The following GPSM1 variants were observed in gnomAD, a reference collection of about 807,000 sequenced individuals.
GPSM1 encodes the protein G protein-signaling modulator 1.
Under a neutral mutation model 70.5 loss-of-function variants are expected in GPSM1, and 48 were observed. That is an observed-to-expected ratio of 0.68 (90% confidence interval 0.54 to 0.87). The LOEUF (loss-of-function observed/expected upper bound fraction) is 0.87, where lower values mean the gene tolerates loss of function less well. GPSM1 is among the 40% of genes least tolerant of loss of function. The pLI, the probability that GPSM1 is intolerant of heterozygous loss-of-function variation, is 0.00. For synonymous variants in GPSM1, 416 were observed against 430.1 expected, an observed-to-expected ratio of 0.97 and a Z score of 0.41; for missense variants, 981 against 972.6, an observed-to-expected ratio of 1.01 and a Z score of -0.11.
At chr9:136,335,566 C>T (rs1832212735) in intron 2 of GPSM1, among the ~76,000 whole-genome samples, 1 of 152,164 alleles carries the variant, frequency 6.6e-6, no homozygotes, top group African/African-American at 2.4e-5. Context: ...TGGGCATGCA[C>T]CAAACGTCCT....
chr9:136,337,883 C>A lies in GPSM1; in HGVS notation c.740C>A (p.Ala247Asp). The A allele has an allele frequency of 6.2e-7, 1 of 1,612,622 alleles. No individual in the cohort carries two copies. The highest frequency in any genetic ancestry group is 1.1e-5 in the South Asian group (1 of 91,082). The stretch of plus-strand genomic sequence containing the variant: ...GCTAAGGAGTTTGGAGACAAGGCAG[C>A]CGAGAGGAGGGCCTACAGCAACCTG... ...AIAKEFGDKA[A>D]ERRAYSNLGN... Residue 247 changes from alanine to aspartate, a missense_variant, in exon 6 of 14, where the codon GCC becomes GAC. Coordinates refer to ENST00000440944, the MANE Select transcript of GPSM1 (RefSeq NM_001145638.3).
In GPSM1 at chr9:136,358,217, C is replaced by A; in HGVS notation, c.2025C>A (p.Ser675Arg). 6.5e-7 allele frequency: 1 copy of A among 1,545,584 alleles called. No individual in the cohort carries two copies. The highest frequency in any genetic ancestry group is 8.7e-7 in the Non-Finnish European group (1 of 1,150,276). The change falls in exon 14 of 14, where the codon AGC (serine) becomes AGA (arginine). Residue 675 changes from serine (S) to arginine (R), a missense_variant. Physicochemically the swap from Ser to Arg is moderately radical, Grantham distance 110 (BLOSUM62 -1). Coordinates refer to ENST00000440944, the MANE Select transcript of GPSM1 (RefSeq NM_001145638.3). ...EPQQQCQPGA[S>R] Reference sequence around the variant, plus strand: ...AGCAGCAGTGCCAGCCTGGTGCGAGCTAAGGCCCTGTGCCCACCGCCAGGC... The same window carrying A: ...AGCAGCAGTGCCAGCCTGGTGCGAGATAAGGCCCTGTGCCCACCGCCAGGC...
chr9:136,328,380 C>T (rs1484477710), intron 1 of GPSM1, among the ~76,000 whole-genome samples: 2 of 152,128 alleles, frequency 1.3e-5, no homozygotes, highest in African/African-American at 2.4e-5. Flanking sequence ...CTGGGCCCAG[C>T]CGGGCAGGTG....
At chr9:136,331,372 C>CCG (rs1445515959) in intron 1 of GPSM1, among the ~76,000 whole-genome samples, 19 of 151,074 alleles carry the variant, frequency 1.3e-4, no homozygotes, top group Non-Finnish European at 2.8e-4. Flanking sequence ...GAGCCCCCCC[C>CCG]CCCCGCTGCC....
intron 1 of GPSM1, among the ~76,000 whole-genome samples, chr9:136,329,826 C>T (rs1458353594): frequency 7.0e-6 from 1 of 142,010 alleles, no homozygotes; most frequent in Non-Finnish European, 1.5e-5. Flanking sequence ...GGTTCTGGGT[C>T]GGTGGGGACG....
In GPSM1 at chr9:136,340,530, CG is replaced by C. The variant is rs1832361965; in HGVS notation, c.1084-338del. The stretch of plus-strand genomic sequence containing the variant: ...CCCGGGAGGGTCCCCCACAGAGCCT[CG>C]GCGCACAAGGCAGGGGCTGAGAGAG... On this transcript the variant is annotated intron_variant, in intron 8 of 13. Transcript: ENST00000440944. This position sits in a 1 kb window ranked among gnomAD's most constrained non-coding sequence, Gnocchi z 7.3. 6.6e-6 allele frequency among the ~76,000 whole-genome samples: 1 copy of C among 152,056 alleles called. No homozygotes were observed.
chr9:136,328,267 C>T (rs908204508), intron 1 of GPSM1, among the ~76,000 whole-genome samples: 2 of 152,224 alleles, frequency 1.3e-5, no homozygotes, highest in Non-Finnish European at 2.9e-5. Context: ...TGGGTGATCC[C>T]AGTGACTGGG....
At chr9:136,334,168 G>C (rs1832169736) in intron 1 of GPSM1, among the ~76,000 whole-genome samples, 1 of 152,212 alleles carries the variant, frequency 6.6e-6, no homozygotes, top group South Asian at 2.1e-4. Flanking sequence ...GGTCTTGCCG[G>C]GGTCACAAAC....
chr9:136,341,128 T>C lies in GPSM1; in HGVS notation c.1207+135T>C. 6.5e-7 allele frequency: 1 copy of C among 1,549,952 alleles called. No individual in the cohort carries two copies. The highest frequency in any genetic ancestry group is 8.7e-7 in the Non-Finnish European group (1 of 1,146,810). On this transcript the variant is annotated intron_variant, in intron 9 of 13. Transcript: ENST00000440944. The surrounding 1 kb of genome is among the most constrained non-coding windows in gnomAD (Gnocchi z 6.7). ...CCAGAAAATGGCGCCTACAAGCCAGTTCTTCTTGGCCTCAGGGACAGCACA... is the reference window on the plus strand; with the variant it reads ...CCAGAAAATGGCGCCTACAAGCCAGCTCTTCTTGGCCTCAGGGACAGCACA...
At chr9:136,332,763 C>T (rs1438065049) in intron 1 of GPSM1, among the ~76,000 whole-genome samples, 2 of 149,820 alleles carry the variant, frequency 1.3e-5, no homozygotes, top group Non-Finnish European at 3.0e-5. Context: ...GAGGGCCTGG[C>T]CCTGAGGTGA....
intron 7 of GPSM1, among the ~76,000 whole-genome samples, chr9:136,339,100 G>A (rs1164211186): frequency 2.0e-5 from 3 of 152,146 alleles, no homozygotes; most frequent in African/African-American, 7.2e-5. Flanking sequence ...CCTTTCACAG[G>A]CAGCAGAGAG....
chr9:136,344,803 G>C (rs562144428), intron 9 of GPSM1, among the ~76,000 whole-genome samples: 130 of 152,342 alleles, frequency 8.5e-4, no homozygotes, highest in Non-Finnish European at 1.4e-3. Flanking sequence ...AGCAAGGCGA[G>C]GGCCTTGGCC....
intron 8 of GPSM1, 142 bp downstream of exon 8, chr9:136,339,957 G>A (rs567296251): frequency 4.9e-5 from 31 of 627,090 alleles, no homozygotes; most frequent in Middle Eastern, 4.2e-4. Flanking sequence ...TGGTCCTTCC[G>A]AGGCCTGGTG....
Position 136,355,671 on chromosome 9 carries a change from G to T in GPSM1, c.1456-19G>T. 1.2e-6 allele frequency: 2 copies of T among 1,608,732 alleles called. No individual in the cohort carries two copies. Among genetic ancestry groups the T allele is most frequent in the Middle Eastern group, 1.7e-4 (1 of 6,022 alleles). On this transcript the variant is annotated intron_variant, in intron 11 of 13. Transcript: ENST00000440944. ...CTGCGGGGCTAGCTTTGGCTGCGGT[G>T]ACCCCACTCCCTCCCCAGAGCATCC... is the stretch of plus-strand genomic sequence containing the variant.
Position 136,342,675 on chromosome 9 carries a change from G to T in GPSM1, c.1207+1682G>T, listed in dbSNP as rs1292059922. 6.6e-6 allele frequency among the ~76,000 whole-genome samples: 1 copy of T among 152,180 alleles called. No homozygotes were observed. The highest frequency in any genetic ancestry group is 2.4e-5 in the African/African-American group (1 of 41,458). On this transcript the variant is annotated intron_variant, in intron 9 of 13. Coordinates refer to ENST00000440944, the MANE Select transcript of GPSM1 (RefSeq NM_001145638.3). The surrounding 1 kb of genome is among the most constrained non-coding windows in gnomAD (Gnocchi z 5.5). ...TTGAGGCCGGGAGTCTGGACCCGGC[G>T]TTGCGGGTTGGGGGCGCCACGGAAG...
In GPSM1 at chr9:136,337,071, G is replaced by C. The variant is rs766452868; in HGVS notation, c.577G>C (p.Glu193Gln). 1.3e-6 allele frequency: 2 copies of C among 1,550,544 alleles called. No individual in the cohort carries two copies. Among genetic ancestry groups the C allele is most frequent in the Non-Finnish European group, 1.7e-6 (2 of 1,147,046 alleles). Residue 193 changes from glutamate to glutamine, a missense_variant and splice_region_variant, in exon 4 of 14, where the codon GAG becomes CAG. By Grantham distance (29) the Glu-to-Gln change is conservative. Transcript: ENST00000440944. Reference sequence around the variant, plus strand: ...CCTGTGCAAGGCCTCCGAGTTCTACGAGTGAGTGGGGCAGGGCCAGCCCAG... The same window carrying C: ...CCTGTGCAAGGCCTCCGAGTTCTACCAGTGAGTGGGGCAGGGCCAGCCCAG... ...ETLCKASEFY[E>Q]RNLSLVKELG...
At chr9:136,348,596 C>A in intron 9 of GPSM1, 101 bp from the exon 10 acceptor site, 2 of 814,604 alleles carry the variant, frequency 2.5e-6, no homozygotes, top group Non-Finnish European at 3.9e-6. Flanking sequence ...GTCAGAAAGC[C>A]ATGGCCGGGC....
Position 136,348,748 on chromosome 9 carries a change from T to C in GPSM1, c.1259T>C (p.Leu420Pro). The C allele has an allele frequency of 6.2e-7, 1 of 1,612,080 alleles. No individual in the cohort carries two copies. Among genetic ancestry groups the C allele is most frequent in the Middle Eastern group, 1.7e-4 (1 of 6,052 alleles). ...CTGAGCGCGGAGACCTGGGACCTGC[T>C]GAGACTCCCCCTGGAGCGGGTGAGC... is the stretch of plus-strand genomic sequence containing the variant. ...QRLSAETWDLLRLPLEREQNG... is the reference protein window; with the variant it reads ...QRLSAETWDLPRLPLEREQNG... The change falls in exon 10 of 14, where the codon CTG (leucine) becomes CCG (proline). Residue 420 changes from leucine to proline, a missense_variant. Physicochemically the swap from Leu to Pro is moderately conservative, Grantham distance 98. Transcript: ENST00000440944.
At chr9:136,331,337 G>T (rs553019941) in intron 1 of GPSM1, among the ~76,000 whole-genome samples, 1 of 151,600 alleles carries the variant, frequency 6.6e-6, no homozygotes, top group Non-Finnish European at 1.5e-5. Flanking sequence ...CCCGGCAGAC[G>T]TGGGGCTGGC....
Sources: gnomAD v4.1 joint callset for allele counts (sites outside exome capture counted in the v4.1 genomes callset) on GRCh38, gnomAD v4.1.1 for gene constraint, Gnocchi (gnomAD v3.1) non-coding constraint, MANE v1.5 for transcripts, NCBI Gene and HGNC (gene_info 2026-07-23, HGNC 2026-07-21) for gene names.